Variants in RGR observed in about 807,000 individuals in gnomAD.
The protein encoded by RGR is retinal G protein coupled receptor.
Under a neutral mutation model 28.6 loss-of-function variants are expected in RGR, and 30 were observed. The observed-to-expected ratio is 1.05, with a 90% CI of 0.78 to 1.42. RGR has a LOEUF of 1.42. Ranked by LOEUF, RGR falls within the 40% of genes most tolerant of loss-of-function variation. RGR has a pLI of 0.00. For missense variants in RGR, 404 were observed against 375.6 expected (o/e 1.08, Z -0.62); for synonymous variants, 180 against 156.4 (o/e 1.15, Z -1.13).
Position 84,258,901 on chromosome 10 carries a change from AGGG to A in RGR, c.*265_*267del. 1 of 472,428 alleles carries A rather than the reference AGGG, an allele frequency of 2.1e-6. No homozygotes were observed. The allele number at this position is 472,428 out of a possible 1,614,324, so 29.3% of individuals were successfully genotyped here. ...CTTTTTAAAAATAATAATAAATGTA[AGGG>A]GGTACAGTGCAGTTTTGTTACATGG... On this transcript the variant is annotated 3_prime_UTR_variant, in exon 7 of 7. Coordinates refer to ENST00000652092, the MANE Select transcript of RGR (RefSeq NM_001012720.2).
intron 3 of RGR, among the ~76,000 whole-genome samples, 191 bp from the exon 4 acceptor site, chr10:84,252,666 G>A (rs879000802): frequency 7.9e-5 from 12 of 152,110 alleles, no homozygotes; most frequent in Admixed American, 2.0e-4. Flanking sequence ...TTTTTAGACC[G>A]TAACACAGGG....
Position 84,258,585 on chromosome 10 carries a change from G to A in RGR, c.822G>A (p.Arg274=). The stretch of plus-strand genomic sequence containing the variant: ...CCCTGGGCAATGAGATGGTCTGCAG[G>A]GGAATCTGGCAGTGCCTCTCACCGC... ...NYALGNEMVC[R]GIWQCLSPQK... The change falls in exon 7 of 7, where the codon AGG becomes AGA. Residue 274 remains arginine, a synonymous_variant. Coordinates refer to ENST00000652092, the MANE Select transcript of RGR (RefSeq NM_001012720.2). 6.2e-7 allele frequency: 1 copy of A among 1,614,210 alleles called. No individual in the cohort carries two copies. The highest frequency in any genetic ancestry group is 2.2e-5 in the East Asian group (1 of 44,878).
Position 84,259,038 on chromosome 10 carries a change from A to C in RGR, c.*399A>C. ...ATCCCTCACCCCCTCCCACCTTGTC[A>C]CCCTTCTGAGTCTCCAATGTCTATT... On this transcript the variant is annotated 3_prime_UTR_variant, in exon 7 of 7. Coordinates refer to ENST00000652092, the MANE Select transcript of RGR (RefSeq NM_001012720.2). 2 of 286,520 alleles carry C rather than the reference A, an allele frequency of 7.0e-6. No individual in the cohort carries two copies. The highest frequency in any genetic ancestry group is 1.4e-5 in the Non-Finnish European group (2 of 145,956). The allele number at this position is 286,520 out of a possible 1,614,324, so 17.7% of individuals were successfully genotyped here.
chr10:84,253,824 C>T (rs1306299616), intron 4 of RGR, among the ~76,000 whole-genome samples: 2 of 152,152 alleles, frequency 1.3e-5, no homozygotes, highest in African/African-American at 4.8e-5. Flanking sequence ...CATAGTCTTC[C>T]CTTCAGAAAA....
chr10:84,247,782 G>C (rs201761797), intron 2 of RGR, 35 bp downstream of exon 2: 2 of 1,613,660 alleles, frequency 1.2e-6, no homozygotes, highest in South Asian at 1.1e-5. Flanking sequence ...AGGCTCTGGG[G>C]TCCTGCCTGG....
At chr10:84,247,112 A>G (rs1842755660) in intron 1 of RGR, among the ~76,000 whole-genome samples, 1 of 152,218 alleles carries the variant, frequency 6.6e-6, no homozygotes, top group South Asian at 2.1e-4. Context: ...CTGTTGCCAG[A>G]GTACGCCCCC....
chr10:84,254,404 T>G lies in RGR; in HGVS notation c.591T>G (p.Ser197Arg). The G allele has an allele frequency of 6.2e-7, 1 of 1,614,104 alleles. No homozygotes were observed. The highest frequency in any genetic ancestry group is 8.5e-7 in the Non-Finnish European group (1 of 1,180,022). The part of the protein sequence containing the change: ...MPLFITITSY[S>R]LMEQKLGKSG... ...TCTTCATCACGATCACTTCCTACAGTCTCATGGAGCAGAAACTGGGGAAGA... is the reference window on the plus strand; with the variant it reads ...TCTTCATCACGATCACTTCCTACAGGCTCATGGAGCAGAAACTGGGGAAGA... Residue 197 changes from serine (S) to arginine (R), a missense_variant, in exon 5 of 7, where the codon AGT (serine) becomes AGG (arginine). Physicochemically the swap from Ser to Arg is moderately radical, Grantham distance 110. Transcript: ENST00000652092.
intron 3 of RGR, among the ~76,000 whole-genome samples, chr10:84,249,528 G>A (rs191315956): frequency 2.4e-4 from 37 of 152,240 alleles, no homozygotes; most frequent in African/African-American, 8.2e-4. Flanking sequence ...GGCTAGGCTG[G>A]TCTTGAACTC....
intron 5 of RGR, chr10:84,255,521 A>G (rs1045075846): frequency 1.3e-5 from 2 of 152,222 alleles, no homozygotes; most frequent in African/African-American, 4.8e-5. Flanking sequence ...TTGTCCAAGA[A>G]ATACAATACT....
At chr10:84,253,186 C>T (rs1048566808) in intron 4 of RGR, among the ~76,000 whole-genome samples, 176 bp downstream of exon 4, 2 of 152,174 alleles carry the variant, frequency 1.3e-5, no homozygotes, top group African/African-American at 4.8e-5. Context: ...CTGGAAAAAG[C>T]CTGTTCTGAA....
chr10:84,256,734 T>C (rs736141), intron 5 of RGR, among the ~76,000 whole-genome samples: 75,767 of 151,948 alleles, frequency 0.5, 21,514 homozygotes, highest in African/African-American at 0.79. Context: ...TGTCTGGAGG[T>C]GCAAAGTTCA....
intron 6 of RGR, 61 bp from the exon 7 acceptor site, chr10:84,258,447 G>A (rs1333069783): frequency 1.2e-6 from 2 of 1,613,528 alleles, no homozygotes; most frequent in East Asian, 2.2e-5. Flanking sequence ...GTCACCAGGT[G>A]AGACCAGAGA....
At chr10:84,251,304 G>A (rs1000087333) in intron 3 of RGR, among the ~76,000 whole-genome samples, 15 of 152,080 alleles carry the variant, frequency 9.9e-5, no homozygotes, top group Non-Finnish European at 2.1e-4. Context: ...GTCCTTGCAC[G>A]TAATTATCGT....
Position 84,248,902 on chromosome 10 carries a change from G to C in RGR, c.237-20G>C, listed in dbSNP as rs1396314774. 6.2e-7 allele frequency: 1 copy of C among 1,614,214 alleles called. No individual in the cohort carries two copies. Among genetic ancestry groups the C allele is most frequent in the Admixed American group, 1.7e-5 (1 of 60,026 alleles). ...GAAAGGATCGGAGGAGAGGTCACTGGTGCCCAGTGTCTCCCACAGGCGCTG... is the reference window on the plus strand; with the variant it reads ...GAAAGGATCGGAGGAGAGGTCACTGCTGCCCAGTGTCTCCCACAGGCGCTG... On this transcript the variant is annotated intron_variant, in intron 2 of 6. Transcript: ENST00000652092.
At chr10:84,245,804 G>A (rs528699085) in intron 1 of RGR, among the ~76,000 whole-genome samples, 1 of 152,316 alleles carries the variant, frequency 6.6e-6, no homozygotes, top group East Asian at 1.9e-4. Context: ...GGCAACCTGG[G>A]TCTGCGAGGT....
intron 2 of RGR, 35 bp downstream of exon 2, chr10:84,247,782 G>A: frequency 6.2e-7 from 1 of 1,613,660 alleles, no homozygotes; most frequent in Non-Finnish European, 8.5e-7. Flanking sequence ...AGGCTCTGGG[G>A]TCCTGCCTGG....
chr10:84,252,822 C>G (rs1185799186), intron 3 of RGR, 35 bp from the exon 4 acceptor site: 1 of 1,613,782 alleles, frequency 6.2e-7, no homozygotes, highest in African/African-American at 1.3e-5. Flanking sequence ...CCATCTCCTC[C>G]TCACAACCTC....
intron 5 of RGR, among the ~76,000 whole-genome samples, chr10:84,256,253 T>G (rs890896245): frequency 1.3e-5 from 2 of 150,406 alleles, no homozygotes; most frequent in South Asian, 4.2e-4. Flanking sequence ...ATCTTTTGTA[T>G]CTGTTGGCCA....
chr10:84,247,913 A>G, intron 2 of RGR, 166 bp downstream of exon 2: 1 of 975,878 alleles, frequency 1.0e-6, no homozygotes, highest in South Asian at 1.4e-5. Flanking sequence ...ATTCTGAAGA[A>G]CGACAGCTGA....
Sources: gnomAD v4.1 joint callset for allele counts (sites outside exome capture counted in the v4.1 genomes callset) on GRCh38, gnomAD v4.1.1 for gene constraint, MANE v1.5 for transcripts, NCBI Gene and HGNC (gene_info 2026-07-23, HGNC 2026-07-21) for gene names.